MAP4: variants seen among roughly 807,000 people sequenced by gnomAD.
MAP4 encodes microtubule-associated protein 4.
A neutral mutation model predicts 170.2 loss-of-function variants in MAP4; 76 were observed. The observed-to-expected ratio is 0.45, with a 90% CI of 0.37 to 0.54. The LOEUF is 0.54. Among genes scored for constraint, MAP4 ranks in the 20% least tolerant of loss-of-function variants. The pLI is 0.00. For synonymous variants in MAP4, 909 were observed against 994.5 expected (o/e 0.91, Z 1.62); for missense variants, 2,506 against 2,748.0 (o/e 0.91, Z 1.97).
chr3:47,979,401 T>A (rs899491314), intron 2 of MAP4, among the ~76,000 whole-genome samples: 1 of 152,190 alleles, frequency 6.6e-6, no homozygotes, highest in Non-Finnish European at 1.5e-5. Context: ...TTATGTTCCA[T>A]CAATTTGTAA....
At chr3:48,042,617 G>A (rs2100122225) in intron 1 of MAP4, among the ~76,000 whole-genome samples, 1 of 152,134 alleles carries the variant, frequency 6.6e-6, no homozygotes, top group Non-Finnish European at 1.5e-5. Context: ...AATGGCAAGT[G>A]TTTTAGATGT....
intron 10 of MAP4, among the ~76,000 whole-genome samples, chr3:47,900,515 G>A (rs1458379563): frequency 6.6e-6 from 1 of 152,120 alleles, no homozygotes; most frequent in African/African-American, 2.4e-5. Flanking sequence ...TGAGGCAGGC[G>A]CATCACCTGC....
intron 3 of MAP4, among the ~76,000 whole-genome samples, chr3:47,937,658 T>C (rs1181845517): frequency 1.8e-5 from 1 of 56,910 alleles, no homozygotes; most frequent in African/African-American, 1.3e-4. Context: ...TTCTTCTTCT[T>C]TTTTTTTTTT....
intron 1 of MAP4, among the ~76,000 whole-genome samples, chr3:48,078,149 T>C (rs1322652194): frequency 6.6e-6 from 1 of 151,872 alleles, no homozygotes; most frequent in Non-Finnish European, 1.5e-5. Flanking sequence ...ATTCTATGAT[T>C]TTGTTTTGTT....
chr3:48,000,335 A>T (rs2100098482), intron 1 of MAP4, among the ~76,000 whole-genome samples: 2 of 152,118 alleles, frequency 1.3e-5, no homozygotes, highest in African/African-American at 2.4e-5. Flanking sequence ...CCTGCTTTCA[A>T]AAAGTCTAAC....
intron 18 of MAP4, among the ~76,000 whole-genome samples, chr3:47,857,072 T>A (rs532022194): frequency 1.3e-5 from 2 of 152,348 alleles, no homozygotes; most frequent in East Asian, 1.9e-4. Context: ...ACCTGAACAC[T>A]GCCCTCTATA....
At position 47,911,388 on chromosome 3, in the gene MAP4, T is replaced by C; in HGVS notation, c.3033A>G (p.Glu1011=). 6.5e-7 allele frequency: 1 copy of C among 1,536,140 alleles called. No individual in the cohort carries two copies. The highest frequency in any genetic ancestry group is 8.7e-7 in the Non-Finnish European group (1 of 1,146,896). The change falls in exon 9 of 21, where the codon GAA becomes GAG. Residue 1011 remains glutamate, a synonymous_variant. Coordinates refer to ENST00000683076, the MANE Select transcript of MAP4 (RefSeq NM_001385682.1). The surrounding 1 kb of genome is among the most constrained non-coding windows in gnomAD (Gnocchi z 4.0). ...CTTCCTTTTTTAGTTCTTTATCCTC[T>C]TCAGCTCCTTCAGGAAACTCCTTCA... ...VKLKEFPEGA[E]EDKELKKEAF... is the part of the protein sequence containing the mutation.
At chr3:47,981,983 C>T (rs540492899) in intron 2 of MAP4, among the ~76,000 whole-genome samples, 9 of 152,018 alleles carry the variant, frequency 5.9e-5, no homozygotes, top group African/African-American at 1.9e-4. Context: ...GTAATAACAT[C>T]AAAAATTACA....
chr3:48,002,230 G>T, intron 1 of MAP4, among the ~76,000 whole-genome samples: 1 of 141,258 alleles, frequency 7.1e-6, no homozygotes, highest in Admixed American at 7.3e-5. Context: ...GACAGAGCAA[G>T]ACTCTAGTCT....
chr3:47,902,226 T>G (rs1197211306), intron 10 of MAP4, among the ~76,000 whole-genome samples: 1 of 152,204 alleles, frequency 6.6e-6, no homozygotes, highest in African/African-American at 2.4e-5. Flanking sequence ...CAAAGAATAT[T>G]TAAATGTTCT....
Position 47,918,764 on chromosome 3 carries a change from A to T in MAP4, c.607T>A (p.Phe203Ile). 1 of 1,611,454 alleles carries T rather than the reference A, an allele frequency of 6.2e-7. No individual in the cohort carries two copies. The highest frequency in any genetic ancestry group is 1.1e-5 in the South Asian group (1 of 91,018). Reference protein sequence around the residue: ...EALNSPHSESFVSPEAVAEPP... With the variant: ...EALNSPHSESIVSPEAVAEPP... ...TCTGCAACAGCCTCTGGGGAAACAAAGGACTCTGAGTGTGGAGAGTTTAAG... is the reference window on the plus strand; with the variant it reads ...TCTGCAACAGCCTCTGGGGAAACAATGGACTCTGAGTGTGGAGAGTTTAAG... Residue 203 changes from phenylalanine to isoleucine, a missense_variant, in exon 6 of 21, where the codon TTT becomes ATT. Physicochemically the swap from Phe to Ile is conservative, Grantham distance 21. Coordinates refer to ENST00000683076, the MANE Select transcript of MAP4 (RefSeq NM_001385682.1).
At chr3:48,053,529 TTTA>T (rs2100129003) in intron 1 of MAP4, among the ~76,000 whole-genome samples, 1 of 152,106 alleles carries the variant, frequency 6.6e-6, no homozygotes, top group Non-Finnish European at 1.5e-5. Flanking sequence ...CATGAACACT[TTTA>T]TTTTTTTTAT....
Position 47,851,687 on chromosome 3 carries a change from A to G in MAP4, c.*1247T>C, listed in dbSNP as rs575214554. On this transcript the variant is annotated 3_prime_UTR_variant, in exon 21 of 21. Transcript: ENST00000683076. The stretch of plus-strand genomic sequence containing the variant: ...GCAGCCATCCCAAGGCCTAGCTGGG[A>G]TGCCCTCTGTGGGCCTTGCCTCTCC... The G allele has an allele frequency of 6.6e-6, 1 of 152,426 alleles. No individual in the cohort carries two copies. The highest frequency in any genetic ancestry group is 2.1e-4 in the South Asian group (1 of 4,830). The allele number at this position is 152,426 out of a possible 1,614,324, so 9.4% of individuals were successfully genotyped here. A position where few individuals can be genotyped will look rare whatever the true frequency, so the allele number is the denominator to read the frequency against.
At chr3:47,919,092 C>G (rs901563598) in intron 5 of MAP4, among the ~76,000 whole-genome samples, 1 of 150,282 alleles carries the variant, frequency 6.7e-6, no homozygotes, top group African/African-American at 2.5e-5. Flanking sequence ...CCACAGCTCC[C>G]GGCTAATTTT....
intron 2 of MAP4, among the ~76,000 whole-genome samples, chr3:47,998,194 T>G (rs1004955395): frequency 1.3e-5 from 2 of 152,180 alleles, no homozygotes; most frequent in African/African-American, 4.8e-5. Flanking sequence ...TATTAGCACA[T>G]CTGATCCAGG....
intron 3 of MAP4, among the ~76,000 whole-genome samples, chr3:47,936,929 A>C (rs1303876672): frequency 2.0e-5 from 3 of 151,192 alleles, no homozygotes; most frequent in Non-Finnish European, 4.4e-5. Flanking sequence ...GCAGTGAGCC[A>C]AGATCGCGCC....
At chr3:48,016,620 A>C (rs2100107951), upstream of MAP4, among the ~76,000 whole-genome samples, 1 of 152,198 alleles carries the variant, frequency 6.6e-6, no homozygotes, top group Non-Finnish European at 1.5e-5. Context: ...AATGAGTAAA[A>C]CTTTAAAAGA....
intron 3 of MAP4, chr3:47,960,960 T>C (rs2100071210): frequency 6.2e-6 from 1 of 162,040 alleles, no homozygotes; most frequent in Non-Finnish European, 1.4e-5. Context: ...TTCTCCATCA[T>C]AGAGGAGATG....
chr3:48,060,883 C>T (rs1158809334), intron 1 of MAP4, among the ~76,000 whole-genome samples: 1 of 152,120 alleles, frequency 6.6e-6, no homozygotes, highest in Non-Finnish European at 1.5e-5. Flanking sequence ...GTCTCACTGT[C>T]GCCCAGGCTG....
Sources: gnomAD v4.1 joint callset for allele counts (sites outside exome capture counted in the v4.1 genomes callset) on GRCh38, gnomAD v4.1.1 for gene constraint, Gnocchi (gnomAD v3.1) non-coding constraint, MANE v1.5 for transcripts, NCBI Gene and HGNC (gene_info 2026-07-23, HGNC 2026-07-21) for gene names.